The following MPDZ variants were observed in gnomAD, a reference collection of about 807,000 sequenced individuals.
MPDZ encodes multiple PDZ domain protein.
MPDZ carries 234 observed loss-of-function variants against 239.1 expected under a neutral mutation model. That is an observed-to-expected ratio of 0.98 (90% confidence interval 0.88 to 1.09). MPDZ has a LOEUF of 1.09. Among genes scored for constraint, MPDZ ranks in the 50% least tolerant of loss-of-function variants. The probability of loss-of-function intolerance (pLI) is 0.00; values close to 1 mark genes in which losing one functional copy is unlikely to be tolerated. For missense variants in MPDZ, 3,175 were observed against 2,510.0 expected (o/e 1.26, Z -5.66); for synonymous variants, 1,048 against 881.3 (o/e 1.19, Z -3.35).
chr9:13,240,789 G>A (rs1965224774), intron 3 of MPDZ, among the ~76,000 whole-genome samples: 1 of 151,854 alleles, frequency 6.6e-6, no homozygotes, highest in African/African-American at 2.4e-5. Context: ...GCACATAAGG[G>A]CTTCTTGAAA....
intron 19 of MPDZ, 34 bp from the exon 20 acceptor site, chr9:13,176,451 A>C: frequency 6.8e-7 from 1 of 1,480,720 alleles, no homozygotes; most frequent in Non-Finnish European, 9.0e-7. Context: ...ACAAAACATG[A>C]AAAATGTGAC....
At chr9:13,134,761 C>T (rs1397394770) in intron 31 of MPDZ, 1 of 152,290 alleles carries the variant, frequency 6.6e-6, no homozygotes, top group African/African-American at 2.4e-5. Flanking sequence ...CACTAACAGT[C>T]TCCTAGTTAC....
rs1958825741 is a variant in MPDZ at position 13,219,648 on chromosome 9, T to C, written c.997A>G (p.Ile333Val). 1 of 1,612,716 alleles carries C rather than the reference T, an allele frequency of 6.2e-7. No individual in the cohort carries two copies. The highest frequency in any genetic ancestry group is 1.7e-5 in the Admixed American group (1 of 59,790). ...RQCGNRVKLMIARGAIEERTA... is the reference protein window; with the variant it reads ...RQCGNRVKLMVARGAIEERTA... ...CGTTCTTCTATGGCACCTCTTGCAA[T>C]CATCAACTTAACTCTATTTCCACAT... Residue 333 changes from isoleucine (I) to valine (V), a missense_variant, in exon 8 of 47, where the codon ATT (isoleucine) becomes GTT (valine). Transcript: ENST00000319217.
intron 1 of MPDZ, among the ~76,000 whole-genome samples, chr9:13,263,765 T>C (rs1980994): frequency 0.16 from 24,130 of 152,066 alleles, 2,088 homozygotes; most frequent in Non-Finnish European, 0.17. Context: ...ACTTTGAACA[T>C]ACGTTCAAAA....
At chr9:13,193,388 TTA>T in intron 13 of MPDZ, 75 bp from the exon 14 acceptor site, 1 of 1,427,654 alleles carries the variant, frequency 7.0e-7, no homozygotes, top group Non-Finnish European at 9.3e-7. Context: ...ATTTTATGTT[TTA>T]TGTTTACCCA....
chr9:13,222,517 G>A (rs1959186876), intron 5 of MPDZ, 71 bp from the exon 6 acceptor site: 1 of 1,167,350 alleles, frequency 8.6e-7, no homozygotes, highest in African/African-American at 1.5e-5. Context: ...TCTTTGGCAT[G>A]TATGTTCAAG....
intron 15 of MPDZ, 28 bp downstream of exon 15, chr9:13,192,103 G>C (rs753934212): frequency 1.3e-6 from 2 of 1,543,994 alleles, no homozygotes; most frequent in African/African-American, 1.4e-5. Context: ...ATATATGTAG[G>C]TTAGCCTCAT....
chr9:13,223,693 A>C lies in MPDZ; in HGVS notation c.411T>G (p.Val137=). ...KNMAQGRHVE[V]FELLKPPSGG... ...CAGATGGAGGTTTGAGGAGCTCAAAAACTTCTACATGGCGACCCTGTTTAG... is the reference window on the plus strand; with the variant it reads ...CAGATGGAGGTTTGAGGAGCTCAAACACTTCTACATGGCGACCCTGTTTAG... The change falls in exon 5 of 47, where the codon GTT becomes GTG. Residue 137 remains valine (V), a synonymous_variant. Coordinates refer to ENST00000319217, the MANE Select transcript of MPDZ (RefSeq NM_001378778.1). The C allele has an allele frequency of 6.2e-7, 1 of 1,606,796 alleles. No individual in the cohort carries two copies. The highest frequency in any genetic ancestry group is 2.2e-5 in the East Asian group (1 of 44,562).
At chr9:13,136,269 A>T in intron 30 of MPDZ, 87 bp from the exon 31 acceptor site, 1 of 794,212 alleles carries the variant, frequency 1.3e-6, no homozygotes, top group Non-Finnish European at 1.9e-6. Flanking sequence ...TATTAGAGAA[A>T]ATTATTTAAC....
At chr9:13,217,576 GT>G (rs915531521) in intron 8 of MPDZ, among the ~76,000 whole-genome samples, 8 of 151,496 alleles carry the variant, frequency 5.3e-5, no homozygotes, top group African/African-American at 9.7e-5. Context: ...AATCAAACAG[GT>G]TTTTTTTAGC....
At chr9:13,213,050 T>A (rs1480658930) in intron 10 of MPDZ, among the ~76,000 whole-genome samples, 3 of 152,196 alleles carry the variant, frequency 2.0e-5, no homozygotes, top group South Asian at 4.1e-4. Context: ...ATTTATATGC[T>A]TATTTAATAA....
rs41265280 is a variant in MPDZ, at chr9:13,115,338, G to C, written c.5380-4C>G. ...AGGTTACTGTGCCTAGGGAACACTG[G>C]GGGTGGGCATGGGGGGTGTTTTATG... On this transcript the variant is annotated splice_region_variant and splice_polypyrimidine_tract_variant and intron_variant, in intron 39 of 46. Transcript: ENST00000319217. 7.2e-4 allele frequency: 1,166 copies of C among 1,611,024 alleles called. No homozygotes were observed. The highest frequency in any genetic ancestry group is 9.2e-4 in the Non-Finnish European group (1,087 of 1,178,398).
At chr9:13,117,846 T>C (rs566924886) in intron 39 of MPDZ, among the ~76,000 whole-genome samples, 1 of 149,986 alleles carries the variant, frequency 6.7e-6, no homozygotes, top group East Asian at 1.9e-4. Flanking sequence ...AGATTAGCTT[T>C]TTTTTTTTTT....
intron 33 of MPDZ, 24 bp downstream of exon 33, chr9:13,126,645 AACTACTTAATG>A: frequency 6.2e-7 from 1 of 1,611,906 alleles, no homozygotes; most frequent in South Asian, 1.1e-5. Flanking sequence ...TTCCCTCCCC[AACTACTTAATG>A]ACAGCAAGAA....
chr9:13,183,348 T>A (rs1217374469), intron 19 of MPDZ, 70 bp downstream of exon 19: 3 of 1,277,930 alleles, frequency 2.3e-6, no homozygotes, highest in Non-Finnish European at 3.2e-6. Flanking sequence ...CAACTCCCCA[T>A]AAGGACTGAG....
chr9:13,161,538 T>A (rs1950492762), intron 23 of MPDZ, among the ~76,000 whole-genome samples: 1 of 152,010 alleles, frequency 6.6e-6, no homozygotes, highest in African/African-American at 2.4e-5. Flanking sequence ...ACCATTGCAC[T>A]GCACTGCCTG....
At chr9:13,116,661 T>C (rs774891408) in intron 39 of MPDZ, among the ~76,000 whole-genome samples, 1 of 152,216 alleles carries the variant, frequency 6.6e-6, no homozygotes, top group East Asian at 1.9e-4. Context: ...CTGTGTAATG[T>C]TGCGACCCTT....
chr9:13,148,047 A>G (rs1175952712), intron 25 of MPDZ, among the ~76,000 whole-genome samples: 1 of 151,980 alleles, frequency 6.6e-6, no homozygotes, highest in African/African-American at 2.4e-5. Flanking sequence ...CTAATTGACT[A>G]TAGGGTGGTT....
intron 34 of MPDZ, among the ~76,000 whole-genome samples, chr9:13,126,229 A>C (rs979119139): frequency 2.6e-5 from 4 of 152,268 alleles, no homozygotes; most frequent in African/African-American, 9.6e-5. Flanking sequence ...TTTTGGCACT[A>C]ACAGTCACTG....
Sources: gnomAD v4.1 joint callset for allele counts (sites outside exome capture counted in the v4.1 genomes callset) on GRCh38, gnomAD v4.1.1 for gene constraint, MANE v1.5 for transcripts, NCBI Gene and HGNC (gene_info 2026-07-23, HGNC 2026-07-21) for gene names.